The following RPS7 variants were observed in gnomAD, a reference collection of about 807,000 sequenced individuals.
RPS7 encodes small ribosomal subunit protein eS7.
Under a neutral mutation model 22.1 loss-of-function variants are expected in RPS7, and 1 was observed. The ratio of observed to expected loss-of-function variants is 0.05; its 90% confidence interval spans 0.02 to 0.21. The LOEUF is 0.21. Among genes scored for constraint, RPS7 ranks in the 10% least tolerant of loss-of-function variants. The probability of loss-of-function intolerance (pLI) is 1.00; values close to 1 mark genes in which losing one functional copy is unlikely to be tolerated. For synonymous variants in RPS7, 80 were observed against 92.0 expected, an observed-to-expected ratio of 0.87 and a Z score of 0.74; for missense variants, 137 against 246.4, an observed-to-expected ratio of 0.56 and a Z score of 2.97.
chr2:3,575,521 G>T, intron 1 of RPS7, 71 bp from the exon 2 acceptor site: 1 of 1,047,424 alleles, frequency 9.5e-7, no homozygotes, highest in South Asian at 1.3e-5. Context: ...CTGGCCGGGG[G>T]GTGCGGGCGG....
Position 3,577,057 on chromosome 2 carries a change from C to T in RPS7, c.291+427C>T, listed in dbSNP as rs566500832. ...TCAAACTAAGAAACCTGTTACAGGC[C>T]GGGCCCTGTGGCTCACTCCTGTAAT... is the stretch of plus-strand genomic sequence containing the variant. On this transcript the variant is annotated intron_variant, in intron 4 of 6. Coordinates refer to ENST00000645674, the MANE Select transcript of RPS7 (RefSeq NM_001011.4). 5 of 265,458 alleles carry T rather than the reference C, an allele frequency of 1.9e-5. No homozygotes were observed. In the Admixed American group the frequency reaches 2.6e-4, roughly 14 times the overall value. The allele number at this position is 265,458 out of a possible 1,614,324, so 16.4% of individuals were successfully genotyped here.
chr2:3,577,260 C>T (rs1182478163), intron 4 of RPS7: 4 of 179,030 alleles, frequency 2.2e-5, no homozygotes, highest in Admixed American at 5.5e-5. Flanking sequence ...CGCGTGAACC[C>T]GGGAGGTGGA....
At chr2:3,575,567 G>C (rs935283879) in intron 1 of RPS7, 25 bp from the exon 2 acceptor site, 3 of 1,569,288 alleles carry the variant, frequency 1.9e-6, no homozygotes, top group Non-Finnish European at 1.8e-6. Context: ...CCCGGGCCGC[G>C]TAACGCTGAC....
chr2:3,579,206 CTT>C (rs761989308), intron 5 of RPS7: 96 of 152,306 alleles, frequency 6.3e-4, no homozygotes, highest in Middle Eastern at 3.4e-3. Flanking sequence ...TAAGAATATG[CTT>C]AATTAATGAG....
chr2:3,575,537 C>T (rs1031864976), intron 1 of RPS7, 55 bp from the exon 2 acceptor site: 4 of 1,322,238 alleles, frequency 3.0e-6, no homozygotes, highest in Middle Eastern at 2.5e-4. Flanking sequence ...GGCGGGAGGG[C>T]GAGCCAGCGG....
At chr2:3,577,613 G>A (rs1661311993) in intron 4 of RPS7, 97 bp from the exon 5 acceptor site, 1 of 881,128 alleles carries the variant, frequency 1.1e-6, no homozygotes, top group African/African-American at 1.7e-5. Flanking sequence ...AACTTACCCT[G>A]CCATTCTTCT....
At chr2:3,575,936 C>T (rs1449311830) in intron 3 of RPS7, 48 bp downstream of exon 3, 1 of 1,364,770 alleles carries the variant, frequency 7.3e-7, no homozygotes, top group Non-Finnish European at 1.0e-6. Context: ...GCGCGTCTCC[C>T]CGCGCAGTGC....
In RPS7 at chr2:3,580,211, T is replaced by C. The variant is rs1194132815; in HGVS notation, c.458T>C (p.Leu153Pro). The change falls in exon 6 of 7, where the codon CTC (leucine) becomes CCC (proline). Residue 153 changes from leucine (L) to proline (P), a missense_variant. By Grantham distance (98) the Leu-to-Pro change is moderately conservative (BLOSUM62 -3). Transcript: ENST00000645674. ...CGCGTCAAACTAGATGGCAGCCGGCTCATAAAGGTTCATTTGGACAAAGCA... is the reference window on the plus strand; with the variant it reads ...CGCGTCAAACTAGATGGCAGCCGGCCCATAAAGGTTCATTTGGACAAAGCA... ...RIRVKLDGSRLIKVHLDKAQQ... is the reference protein window; with the variant it reads ...RIRVKLDGSRPIKVHLDKAQQ... The C allele has an allele frequency of 6.2e-7, 1 of 1,613,428 alleles. No homozygotes were observed. The highest frequency in any genetic ancestry group is 8.5e-7 in the Non-Finnish European group (1 of 1,179,770).
Position 3,577,557 on chromosome 2 carries a change from G to C in RPS7, c.292-153G>C, listed in dbSNP as rs62106037. 42,710 of 654,538 alleles carry C rather than the reference G, an allele frequency of 0.065. 1,605 individuals are homozygous for C. The highest frequency in any genetic ancestry group is 0.092 in the South Asian group (5,127 of 55,558). 40.5% of individuals were successfully genotyped at this position (654,538 alleles called of 1,614,324 possible). A position where few individuals can be genotyped will look rare whatever the true frequency, so the allele number is the denominator to read the frequency against. The stretch of plus-strand genomic sequence containing the variant: ...AGGAAGTAACTCCATAGAAGGGTTT[G>C]CTCAGTCAATTGTTCGTCTAAGTTG... On this transcript the variant is annotated intron_variant, in intron 4 of 6. Transcript: ENST00000645674.
At chr2:3,575,375 C>T (rs1661251365) in intron 1 of RPS7, 25 bp downstream of exon 1, 1 of 561,174 alleles carries the variant, frequency 1.8e-6, no homozygotes, top group Admixed American at 3.4e-5. Flanking sequence ...TGCTCTCCGA[C>T]AGAACTTTTC....
rs1039074323 is a variant in RPS7, at chr2:3,575,523, T to C, written c.-18-69T>C. Reference sequence around the variant, plus strand: ...GGGCGAGCGGGGCCTGGCCGGGGGGTGCGGGCGGGAGGGCGAGCCAGCGGC... The same window carrying C: ...GGGCGAGCGGGGCCTGGCCGGGGGGCGCGGGCGGGAGGGCGAGCCAGCGGC... On this transcript the variant is annotated intron_variant, in intron 1 of 6. Transcript: ENST00000645674. 4 of 1,023,820 alleles carry C rather than the reference T, an allele frequency of 3.9e-6. No individual in the cohort carries two copies. In the African/African-American group the frequency reaches 5.0e-5, roughly 13 times the overall value. The allele number at this position is 1,023,820 out of a possible 1,614,324, so 63.4% of individuals were successfully genotyped here. A position where few individuals can be genotyped will look rare whatever the true frequency, so the allele number is the denominator to read the frequency against.
Position 3,576,089 on chromosome 2 carries a change from G to A in RPS7, c.147+201G>A, listed in dbSNP as rs1043508632. On this transcript the variant is annotated intron_variant, in intron 3 of 6. Transcript: ENST00000645674. ...TTGCAGGTACCCTGCGGCTTAAGCT[G>A]TCCACATGCGGGCGGTGGAGAAACG... 1.8e-5 allele frequency: 11 copies of A among 627,888 alleles called. No homozygotes were observed. In the Admixed American group the frequency reaches 2.9e-4, roughly 16 times the overall value. 38.9% of individuals were successfully genotyped at this position (627,888 alleles called of 1,614,324 possible).
intron 5 of RPS7, chr2:3,578,774 AATGAGT>A (rs1167812780): frequency 6.6e-6 from 1 of 152,204 alleles, no homozygotes; most frequent in Non-Finnish European, 1.5e-5. Context: ...TCAGTTAGGA[AATGAGT>A]ATAAGAACAG....
Position 3,575,770 on chromosome 2 carries a change from G to A in RPS7, c.76-47G>A, listed in dbSNP as rs370153990. 539 of 1,596,488 alleles carry A rather than the reference G, an allele frequency of 3.4e-4. 1 individual carries two copies. The highest frequency in any genetic ancestry group is 4.4e-4 in the Non-Finnish European group (509 of 1,165,818). On this transcript the variant is annotated intron_variant, in intron 2 of 6. Coordinates refer to ENST00000645674, the MANE Select transcript of RPS7 (RefSeq NM_001011.4). The stretch of plus-strand genomic sequence containing the variant: ...GCCGCGCGTGTGTTGGGCCCGGGGT[G>A]CTCGGACGCGCGCTCAGGGTCGGTC...
chr2:3,576,178 C>T (rs1390537920), intron 3 of RPS7: 12 of 591,408 alleles, frequency 2.0e-5, no homozygotes, highest in Non-Finnish European at 3.0e-5. Context: ...ATAGATACGG[C>T]AAAGAGCTGT....
chr2:3,579,186 C>T (rs185796122), intron 5 of RPS7: 18 of 152,286 alleles, frequency 1.2e-4, no homozygotes, highest in Admixed American at 9.2e-4. Context: ...TGGGTGCTTT[C>T]CTAGTATTGT....
At chr2:3,575,403 A>G (rs1488825042) in intron 1 of RPS7, 53 bp downstream of exon 1, 1 of 581,650 alleles carries the variant, frequency 1.7e-6, no homozygotes, top group South Asian at 2.1e-5. Context: ...GTTGAGGAAA[A>G]CGCCTTTTGG....
intron 4 of RPS7, chr2:3,577,021 T>C: frequency 3.4e-6 from 1 of 295,112 alleles, no homozygotes; most frequent in Non-Finnish European, 6.6e-6. Flanking sequence ...GTGGGTTGCT[T>C]ACATAGATGA....
At chr2:3,577,552 G>A (rs1661308872) in intron 4 of RPS7, 158 bp from the exon 5 acceptor site, 9 of 648,720 alleles carry the variant, frequency 1.4e-5, no homozygotes, top group Admixed American at 1.0e-4. Context: ...TCCATAGAAG[G>A]GTTTGCTCAG....
Sources: allele counts gnomAD v4.1 joint callset, GRCh38; gene constraint gnomAD v4.1.1; transcripts MANE v1.5; gene names NCBI Gene and HGNC (gene_info 2026-07-23, HGNC 2026-07-21).